ARL6: variants seen among roughly 807,000 people sequenced by gnomAD.
ARL6 encodes the protein ARF like GTPase 6, also known as ADP-ribosylation factor-like protein 6.
Under a neutral mutation model 27.1 loss-of-function variants are expected in ARL6, and 18 were observed. That is an observed-to-expected ratio of 0.66 (90% CI 0.46 to 0.98). The LOEUF (loss-of-function observed/expected upper bound fraction) is 0.98, where lower values mean the gene tolerates loss of function less well. ARL6 is among the 50% of genes least tolerant of loss of function. The pLI is 0.00. For missense variants in ARL6, 187 were observed against 214.9 expected (o/e 0.87, Z 0.81); for synonymous variants, 65 against 72.3 (o/e 0.90, Z 0.51).
At chr3:97,781,498 A>AT (rs749481259) in intron 4 of ARL6, among the ~76,000 whole-genome samples, 16 of 152,128 alleles carry the variant, frequency 1.1e-4, no homozygotes, top group Non-Finnish European at 2.1e-4. Context: ...ATTACGTATT[A>AT]TAAGTAATCT....
intron 7 of ARL6, among the ~76,000 whole-genome samples, chr3:97,797,745 A>G (rs903329947): frequency 1.3e-5 from 2 of 152,176 alleles, no homozygotes; most frequent in African/African-American, 4.8e-5. Context: ...AATAATAACT[A>G]TAGATGAATT....
chr3:97,795,101 G>T (rs1342488781), intron 7 of ARL6, among the ~76,000 whole-genome samples: 1 of 152,032 alleles, frequency 6.6e-6, no homozygotes, highest in Non-Finnish European at 1.5e-5. Flanking sequence ...AAAGTTTAAG[G>T]TTAGAAGCTT....
intron 1 of ARL6, among the ~76,000 whole-genome samples, chr3:97,765,209 GGGGTGTGTGTGTGT>G (rs1373322919): frequency 1.2e-4 from 15 of 128,048 alleles, no homozygotes; most frequent in African/African-American, 1.7e-4. Context: ...CCGTGTATTG[GGGGTGTGTGTGTGT>G]GTGTGTGTGT....
rs983994814 is a variant in ARL6, at chr3:97,766,009, T to C, written c.-28+1032T>C. 12 of 152,340 alleles carry C rather than the reference T, an allele frequency of 7.9e-5. No homozygotes were observed. In the East Asian group the frequency reaches 2.1e-3, roughly 27 times the overall value. The allele number at this position is 152,340 out of a possible 1,614,324, so 9.4% of individuals were successfully genotyped here. On this transcript the variant is annotated intron_variant, in intron 1 of 7. Coordinates refer to ENST00000463745, the MANE Select transcript of ARL6 (RefSeq NM_001278293.3). ...CTTTTAGAAAAACTGCCTGCTCTTC[T>C]AAATTGTGTGTCCCAAAATATTTCA...
chr3:97,784,754 G>T (rs954226847), intron 4 of ARL6, among the ~76,000 whole-genome samples: 1 of 151,470 alleles, frequency 6.6e-6, no homozygotes, highest in Non-Finnish European at 1.5e-5. Flanking sequence ...CAAATGAAAA[G>T]GTATTTTACA....
rs1559687469 is a variant in ARL6 at position 97,788,019 on chromosome 3, T to C, written c.379T>C (p.Phe127Leu). The change falls in exon 6 of 8, where the codon TTC becomes CTC. Residue 127 changes from phenylalanine to leucine, a missense_variant. Physicochemically the swap from Phe to Leu is conservative, Grantham distance 22 (BLOSUM62 0). Transcript: ENST00000463745. ...TAAACACCGTCGAATTCCAATCTTA[T>C]TCTTTGCAAATAAAATGGATCTTAG... ...DIKHRRIPILFFANKMDLRDA... is the reference protein window; with the variant it reads ...DIKHRRIPILLFANKMDLRDA... 1.2e-6 allele frequency: 2 copies of C among 1,613,266 alleles called. No individual in the cohort carries two copies. The highest frequency in any genetic ancestry group is 2.2e-5 in the East Asian group (1 of 44,808).
intron 4 of ARL6, among the ~76,000 whole-genome samples, chr3:97,783,515 A>C (rs1193589848): frequency 6.6e-6 from 1 of 151,834 alleles, no homozygotes; most frequent in African/African-American, 2.4e-5. Context: ...TATAAATCTT[A>C]GCCCCAGTTC....
At chr3:97,772,780 C>G (rs1284401288) in intron 2 of ARL6, among the ~76,000 whole-genome samples, 1 of 151,872 alleles carries the variant, frequency 6.6e-6, no homozygotes, top group East Asian at 1.9e-4. Context: ...CACCACCATG[C>G]CCTGCTAATT....
chr3:97,765,068 C>T (rs2036303053), intron 1 of ARL6, 91 bp downstream of exon 1: 1 of 152,228 alleles, frequency 6.6e-6, no homozygotes, highest in African/African-American at 2.4e-5. Context: ...ATGTTTTTCA[C>T]TCCACGCGTG....
chr3:97,779,312 G>A (rs1223143360), intron 2 of ARL6, among the ~76,000 whole-genome samples: 1 of 152,078 alleles, frequency 6.6e-6, no homozygotes, highest in Non-Finnish European at 1.5e-5. Flanking sequence ...TCAATAACTT[G>A]TCATGGTTCT....
intron 2 of ARL6, among the ~76,000 whole-genome samples, chr3:97,768,674 G>C (rs1216655184): frequency 6.6e-6 from 1 of 151,970 alleles, no homozygotes; most frequent in Non-Finnish European, 1.5e-5. Flanking sequence ...AATATATAAA[G>C]CTAGCACATT....
chr3:97,765,114 G>A (rs533260274), intron 1 of ARL6, 137 bp downstream of exon 1: 12 of 152,192 alleles, frequency 7.9e-5, no homozygotes, highest in African/African-American at 2.9e-4. Flanking sequence ...AGAAAAGAAG[G>A]TGAGTTATAG....
chr3:97,796,552 A>G (rs1439259950), intron 7 of ARL6, among the ~76,000 whole-genome samples: 1 of 152,136 alleles, frequency 6.6e-6, no homozygotes. Flanking sequence ...GAGGATAGCA[A>G]ATCCTCGAAC....
chr3:97,787,191 C>T (rs1053241297), intron 5 of ARL6, among the ~76,000 whole-genome samples: 6 of 151,908 alleles, frequency 3.9e-5, no homozygotes, highest in African/African-American at 1.5e-4. Flanking sequence ...GTACATAGTA[C>T]TAAAAGAAGA....
intron 2 of ARL6, among the ~76,000 whole-genome samples, chr3:97,776,571 T>C (rs2036911595): frequency 6.6e-6 from 1 of 152,212 alleles, no homozygotes; most frequent in Non-Finnish European, 1.5e-5. Flanking sequence ...TATTTGTTTT[T>C]GGTTTTCTGT....
chr3:97,794,179 G>GTA (rs1008371112), intron 7 of ARL6, among the ~76,000 whole-genome samples: 10 of 139,130 alleles, frequency 7.2e-5, no homozygotes. Flanking sequence ...TCTTTCTTTT[G>GTA]TGTGTGTGTG....
chr3:97,774,675 T>C (rs1285343489), intron 2 of ARL6, among the ~76,000 whole-genome samples: 2 of 152,136 alleles, frequency 1.3e-5, no homozygotes, highest in Non-Finnish European at 2.9e-5. Flanking sequence ...ACTTCAACAG[T>C]AGGTACCTGG....
chr3:97,773,584 G>C (rs1229011556), intron 2 of ARL6, among the ~76,000 whole-genome samples: 1 of 152,090 alleles, frequency 6.6e-6, no homozygotes, highest in African/African-American at 2.4e-5. Flanking sequence ...CGTACAACCG[G>C]AAATATACCA....
At chr3:97,774,815 A>C (rs377221611) in intron 2 of ARL6, among the ~76,000 whole-genome samples, 1 of 152,172 alleles carries the variant, frequency 6.6e-6, no homozygotes, top group East Asian at 1.9e-4. Flanking sequence ...AGCAGCTTTG[A>C]GGCTCAGTAT....
Sources: gnomAD v4.1 joint callset for allele counts (sites outside exome capture counted in the v4.1 genomes callset) on GRCh38, gnomAD v4.1.1 for gene constraint, MANE v1.5 for transcripts, NCBI Gene and HGNC (gene_info 2026-07-23, HGNC 2026-07-21) for gene names.